Variants in KCNQ1 observed in about 807,000 individuals in gnomAD.
The protein encoded by KCNQ1 is potassium voltage-gated channel subfamily Q member 1.
In KCNQ1, 49 loss-of-function variants were observed where a neutral mutation model predicts 72.4. The observed-to-expected ratio is 0.68, with a 90% CI of 0.54 to 0.86. KCNQ1 has a LOEUF of 0.86. Ranked by LOEUF, KCNQ1 falls within the 40% of genes least tolerant of loss-of-function variation. The probability of loss-of-function intolerance (pLI) is 0.00; values close to 1 mark genes in which losing one functional copy is unlikely to be tolerated. For missense variants in KCNQ1, 790 were observed against 945.1 expected (o/e 0.84, Z 2.15); for synonymous variants, 450 against 412.6 (o/e 1.09, Z -1.10).
intron 15 of KCNQ1, among the ~76,000 whole-genome samples, chr11:2,845,841 G>C (rs1848315089): frequency 6.6e-6 from 1 of 152,148 alleles, no homozygotes. Flanking sequence ...GCCCCACTCA[G>C]GCAGGCGCCC....
Position 2,543,129 on chromosome 11 carries a change from A to G in KCNQ1, c.477+15111A>G, listed in dbSNP as rs1169693521. On this transcript the variant is annotated intron_variant, in intron 2 of 15. Transcript: ENST00000155840. This position sits in a 1 kb window ranked among gnomAD's most constrained non-coding sequence, Gnocchi z 5.6. ...GCATCCAGGAAACATCTTTGGTGAC[A>G]TATCTTTTTAAATGTTTCACCCATT... is the stretch of plus-strand genomic sequence containing the variant. Among the ~76,000 whole-genome samples, 1 of 152,166 alleles carries G rather than the reference A, an allele frequency of 6.6e-6. No individual in the cohort carries two copies. Among genetic ancestry groups the G allele is most frequent in the Non-Finnish European group, 1.5e-5 (1 of 68,038 alleles).
In KCNQ1 at chr11:2,621,339, G is replaced by A. The variant is rs1309288914; in HGVS notation, c.1393+32485G>A. The A allele has an allele frequency of 2.5e-6, 1 of 398,390 alleles. No individual in the cohort carries two copies. Among genetic ancestry groups the A allele is most frequent in the Non-Finnish European group, 4.4e-6 (1 of 226,034 alleles). 24.7% of individuals were successfully genotyped at this position (398,390 alleles called of 1,614,324 possible). On this transcript the variant is annotated intron_variant, in intron 10 of 15. Coordinates refer to ENST00000155840, the MANE Select transcript of KCNQ1 (RefSeq NM_000218.3). This position sits in a 1 kb window ranked among gnomAD's most constrained non-coding sequence, Gnocchi z 5.7. ...AATGTTTTTTTGTTTGGCTACTTCT[G>A]TATTTTCTTTTAAGAAATGTATGTT...
chr11:2,587,221 G>A lies in KCNQ1; in HGVS notation c.1129-349G>A, dbSNP rs190566272. ...CGCATTGGTCTCCTATGCACGCTGTGTACCCTGGCACCTGGGGATGATGTG... is the reference window on the plus strand; with the variant it reads ...CGCATTGGTCTCCTATGCACGCTGTATACCCTGGCACCTGGGGATGATGTG... On this transcript the variant is annotated intron_variant, in intron 8 of 15. Coordinates refer to ENST00000155840, the MANE Select transcript of KCNQ1 (RefSeq NM_000218.3). Among the ~76,000 whole-genome samples the A allele has an allele frequency of 2.3e-3, 355 of 152,314 alleles. 2 individuals carry two copies. Among genetic ancestry groups the A allele is most frequent in the African/African-American group, 8.0e-3 (333 of 41,564 alleles).
rs565596420 is a variant in KCNQ1, at chr11:2,460,749, C to T, written c.386+15265C>T. ...AACCCCCCATCCGGGTGGCTGTGGC[C>T]GAGGCCCTTATGAGAGGGTGGTAGG... On this transcript the variant is annotated intron_variant, in intron 1 of 15. Coordinates refer to ENST00000155840, the MANE Select transcript of KCNQ1 (RefSeq NM_000218.3). Among the ~76,000 whole-genome samples the T allele has an allele frequency of 1.6e-3, 239 of 152,332 alleles. 2 individuals carry two copies. Among genetic ancestry groups the T allele is most frequent in the African/African-American group, 5.5e-3 (230 of 41,582 alleles).
At position 2,601,267 on chromosome 11, in the gene KCNQ1, T is replaced by C. The variant is rs566962486; in HGVS notation, c.1393+12413T>C. Among the ~76,000 whole-genome samples the C allele has an allele frequency of 6.6e-6, 1 of 152,324 alleles. No homozygotes were observed. Among genetic ancestry groups the C allele is most frequent in the East Asian group, 1.9e-4 (1 of 5,192 alleles). On this transcript the variant is annotated intron_variant, in intron 10 of 15. Transcript: ENST00000155840. The surrounding 1 kb of genome is among the most constrained non-coding windows in gnomAD (Gnocchi z 5.2). ...GTGGTTTTGATTTGCATTTTCCTAA[T>C]GATGCTGAGCATTTTTCCACGTGCC...
rs967850931 is a variant in KCNQ1 at position 2,481,142 on chromosome 11, C to G, written c.386+35658C>G. On this transcript the variant is annotated intron_variant, in intron 1 of 15. Coordinates refer to ENST00000155840, the MANE Select transcript of KCNQ1 (RefSeq NM_000218.3). This position sits in a 1 kb window ranked among gnomAD's most constrained non-coding sequence, Gnocchi z 4.6. ...TGAACTGATGCGATGTGTGATGTCA[C>G]TAGTTCTCATCCAAAGCAGATGACA... Among the ~76,000 whole-genome samples, 1 of 152,212 alleles carries G rather than the reference C, an allele frequency of 6.6e-6. No individual in the cohort carries two copies. The highest frequency in any genetic ancestry group is 2.4e-5 in the African/African-American group (1 of 41,466).
chr11:2,525,326 C>T (rs750111614), intron 1 of KCNQ1, among the ~76,000 whole-genome samples: 3 of 152,256 alleles, frequency 2.0e-5, no homozygotes, highest in African/African-American at 4.8e-5. Context: ...CACAGATTCA[C>T]CCTACGGAGG....
In KCNQ1 at chr11:2,848,395, A is replaced by G; in HGVS notation, c.*392A>G. On this transcript the variant is annotated 3_prime_UTR_variant, in exon 16 of 16. Coordinates refer to ENST00000155840, the MANE Select transcript of KCNQ1 (RefSeq NM_000218.3). ...GGCCCAGGGGGCTTCCTGAGGGGAG[A>G]CAGAGCAACCCCTGGACCCCAGCCT... The G allele has an allele frequency of 2.0e-6, 1 of 492,408 alleles. No homozygotes were observed. The allele number at this position is 492,408 out of a possible 1,614,324, so 30.5% of individuals were successfully genotyped here.
intron 10 of KCNQ1, chr11:2,632,710 C>T (rs1849380721): frequency 2.5e-6 from 1 of 398,270 alleles, no homozygotes; most frequent in Non-Finnish European, 4.4e-6. Context: ...TTTCATTTAA[C>T]ATATTATCCA....
intron 15 of KCNQ1, among the ~76,000 whole-genome samples, chr11:2,842,148 C>T (rs937470123): frequency 2.0e-5 from 3 of 152,196 alleles, no homozygotes; most frequent in African/African-American, 7.2e-5. Context: ...AGCGGACACA[C>T]TCACCCTCAG....
At position 2,559,536 on chromosome 11, in the gene KCNQ1, C is replaced by A. The variant is rs1049032860; in HGVS notation, c.478-11092C>A. Among the ~76,000 whole-genome samples the A allele has an allele frequency of 1.3e-5, 2 of 152,322 alleles. No individual in the cohort carries two copies. Among genetic ancestry groups the A allele is most frequent in the East Asian group, 1.9e-4 (1 of 5,170 alleles). On this transcript the variant is annotated intron_variant, in intron 2 of 15. Transcript: ENST00000155840. This position sits in a 1 kb window ranked among gnomAD's most constrained non-coding sequence, Gnocchi z 4.9. ...TGGTGTCCGGGATGTGGGGACCAGA[C>A]GACAGCTGTCACCCACTTGCAGGGC...
In KCNQ1 at chr11:2,479,639, G is replaced by A. The variant is rs1408305591; in HGVS notation, c.386+34155G>A. ...AACCATTTTTGCCTCCTAGGCCTCT[G>A]GGCCTGGGATGGGAGGGGCTGCTCC... On this transcript the variant is annotated intron_variant, in intron 1 of 15. Coordinates refer to ENST00000155840, the MANE Select transcript of KCNQ1 (RefSeq NM_000218.3). The surrounding 1 kb of genome is among the most constrained non-coding windows in gnomAD (Gnocchi z 4.6). 1.3e-5 allele frequency among the ~76,000 whole-genome samples: 2 copies of A among 152,200 alleles called. No individual in the cohort carries two copies. The highest frequency in any genetic ancestry group is 6.5e-5 in the Admixed American group (1 of 15,282).
chr11:2,605,866 C>T (rs1022747520), intron 10 of KCNQ1, among the ~76,000 whole-genome samples: 3 of 152,136 alleles, frequency 2.0e-5, no homozygotes, highest in East Asian at 1.9e-4. Flanking sequence ...AGCACGATTC[C>T]GGGAGTGTTG....
intron 1 of KCNQ1, among the ~76,000 whole-genome samples, chr11:2,504,595 A>G (rs73419534): frequency 0.033 from 5,037 of 152,232 alleles, 278 homozygotes; most frequent in African/African-American, 0.11. Flanking sequence ...CTTCTCTACA[A>G]AAAACAGGAA....
rs1228082020 is a variant in KCNQ1, at chr11:2,735,668, G to A, written c.1515-33176G>A. 6.6e-6 allele frequency among the ~76,000 whole-genome samples: 1 copy of A among 152,028 alleles called. No individual in the cohort carries two copies. The highest frequency in any genetic ancestry group is 1.5e-5 in the Non-Finnish European group (1 of 68,016). ...AGACCACAGTGGGGCAGTTTAAACA[G>A]CAGGCATTCATCCCCTCACAGCCCT... On this transcript the variant is annotated intron_variant, in intron 11 of 15. Coordinates refer to ENST00000155840, the MANE Select transcript of KCNQ1 (RefSeq NM_000218.3). This position sits in a 1 kb window ranked among gnomAD's most constrained non-coding sequence, Gnocchi z 7.7.
chr11:2,504,950 G>T (rs1013170316), intron 1 of KCNQ1, among the ~76,000 whole-genome samples: 1 of 152,078 alleles, frequency 6.6e-6, no homozygotes, highest in Admixed American at 6.5e-5. Context: ...GAGCTTATGG[G>T]TATCAATTTT....
chr11:2,678,766 G>A lies in KCNQ1; in HGVS notation c.1514+16685G>A, dbSNP rs1850337028. On this transcript the variant is annotated intron_variant, in intron 11 of 15. Coordinates refer to ENST00000155840, the MANE Select transcript of KCNQ1 (RefSeq NM_000218.3). The surrounding 1 kb of genome is among the most constrained non-coding windows in gnomAD (Gnocchi z 4.9). ...GGAAGCTGGGGTGTTTGGGACTGAG[G>A]CTTCATCGTGGCAGCTAATAATGTC... 2 of 398,492 alleles carry A rather than the reference G, an allele frequency of 5.0e-6. No individual in the cohort carries two copies. Among genetic ancestry groups the A allele is most frequent in the East Asian group, 3.6e-5 (1 of 28,080 alleles). The allele number at this position is 398,492 out of a possible 1,614,324, so 24.7% of individuals were successfully genotyped here.
rs1054657996 is a variant in KCNQ1 at position 2,492,760 on chromosome 11, G to T, written c.387-35168G>T. 5.9e-5 allele frequency among the ~76,000 whole-genome samples: 9 copies of T among 152,254 alleles called. No individual in the cohort carries two copies. Among genetic ancestry groups the T allele is most frequent in the East Asian group, 3.9e-4 (2 of 5,190 alleles). On this transcript the variant is annotated intron_variant, in intron 1 of 15. Transcript: ENST00000155840. The surrounding 1 kb of genome is among the most constrained non-coding windows in gnomAD (Gnocchi z 4.1). ...TCTTTATCCAGCCTATCATTGATGG[G>T]CATTTGGGTTGGTTCCAAGTCTTTG...
rs1047649712 is a variant in KCNQ1 at position 2,683,323 on chromosome 11, T to TC, written c.1514+21247dup. The TC allele has an allele frequency of 2.5e-6, 1 of 398,412 alleles. No individual in the cohort carries two copies. The highest frequency in any genetic ancestry group is 4.4e-6 in the Non-Finnish European group (1 of 226,004). The allele number at this position is 398,412 out of a possible 1,614,324, so 24.7% of individuals were successfully genotyped here. A position where few individuals can be genotyped will look rare whatever the true frequency, so the allele number is the denominator to read the frequency against. The stretch of plus-strand genomic sequence containing the variant: ...AAACCAGACACATAGAGGCCAGGTT[T>TC]CCCCCGCTCAACACTAGGCCACTGT... On this transcript the variant is annotated intron_variant, in intron 11 of 15. Transcript: ENST00000155840. This position sits in a 1 kb window ranked among gnomAD's most constrained non-coding sequence, Gnocchi z 4.7.
Sources: allele counts gnomAD v4.1 joint callset (sites outside exome capture counted in the v4.1 genomes callset), GRCh38; gene constraint gnomAD v4.1.1; non-coding constraint Gnocchi (gnomAD v3.1); transcripts MANE v1.5; gene names NCBI Gene and HGNC (gene_info 2026-07-23, HGNC 2026-07-21).